The following TUBB variants were observed in gnomAD, a reference collection of about 807,000 sequenced individuals.
TUBB encodes tubulin beta class I.
Under a neutral mutation model 35.1 loss-of-function variants are expected in TUBB, and 2 were observed. The ratio of observed to expected loss-of-function variants is 0.06; its 90% CI spans 0.02 to 0.18. The LOEUF (loss-of-function observed/expected upper bound fraction) is 0.18. Among genes scored for constraint, TUBB ranks in the 10% least tolerant of loss-of-function variants. The pLI, the probability that TUBB is intolerant of heterozygous loss-of-function variation, is 1.00. For synonymous variants in TUBB, 205 were observed against 223.8 expected (o/e 0.92, Z 0.75); for missense variants, 50 against 599.4 (o/e 0.08, Z 9.57).
rs2394396 is a variant in TUBB at position 30,724,178 on chromosome 6, A to G, written c.1116A>G (p.Thr372=). The G allele has an allele frequency of 3.7e-5, 59 of 1,614,112 alleles. No homozygotes were observed. Among genetic ancestry groups the G allele is most frequent in the Middle Eastern group, 3.3e-4 (2 of 6,060 alleles). ...CAGTCACCTTCATTGGCAATAGCAC[A>G]GCCATCCAGGAGCTCTTCAAGCGCA... The part of the protein sequence containing the change: ...KMAVTFIGNS[T]AIQELFKRIS... Residue 372 remains threonine (T), a synonymous_variant, in exon 4 of 4, where the codon ACA becomes ACG. Coordinates refer to ENST00000327892, the MANE Select transcript of TUBB (RefSeq NM_178014.4). The surrounding 1 kb of genome is among the most constrained non-coding windows in gnomAD (Gnocchi z 4.4).
At chr6:30,722,426 A>G in intron 1 of TUBB, 111 bp from the exon 2 acceptor site, 1 of 754,188 alleles carries the variant, frequency 1.3e-6, no homozygotes, top group Non-Finnish European at 2.2e-6. Context: ...CTGGTGACAG[A>G]GCGAGACTCC....
Position 30,725,215 on chromosome 6 carries a change from G to A in TUBB, c.*818G>A, listed in dbSNP as rs755486536. 1.2e-5 allele frequency: 2 copies of A among 161,628 alleles called. No individual in the cohort carries two copies. The highest frequency in any genetic ancestry group is 2.7e-5 in the Non-Finnish European group (2 of 75,378). 10.0% of individuals were successfully genotyped at this position (161,628 alleles called of 1,614,324 possible). On this transcript the variant is annotated 3_prime_UTR_variant, in exon 4 of 4. Coordinates refer to ENST00000327892, the MANE Select transcript of TUBB (RefSeq NM_178014.4). ...GGTGTATACTGCCACATCAGTGTTT[G>A]AGTCAGTCCCCAGAGGAGAGGGGAA...
Position 30,724,460 on chromosome 6 carries a change from T to A in TUBB, c.*63T>A. The A allele has an allele frequency of 6.9e-7, 1 of 1,438,874 alleles. No homozygotes were observed. The highest frequency in any genetic ancestry group is 9.4e-7 in the Non-Finnish European group (1 of 1,068,418). 89.1% of individuals were successfully genotyped at this position (1,438,874 alleles called of 1,614,324 possible). On this transcript the variant is annotated 3_prime_UTR_variant, in exon 4 of 4. Coordinates refer to ENST00000327892, the MANE Select transcript of TUBB (RefSeq NM_178014.4). The surrounding 1 kb of genome is among the most constrained non-coding windows in gnomAD (Gnocchi z 4.4). The stretch of plus-strand genomic sequence containing the variant: ...TAGCCGTCTTACTCAACTGCCCCTT[T>A]CCTCTCCCTCAGAATTTGTGTTTGC...
intron 1 of TUBB, among the ~76,000 whole-genome samples, chr6:30,721,338 T>A (rs1424432693): frequency 6.6e-6 from 1 of 151,662 alleles, no homozygotes; most frequent in Admixed American, 6.6e-5. Flanking sequence ...GGGGGATTTT[T>A]TTTTTTTGCG....
intron 1 of TUBB, 76 bp from the exon 2 acceptor site, chr6:30,722,461 A>T: frequency 9.6e-7 from 1 of 1,039,642 alleles, no homozygotes; most frequent in East Asian, 2.4e-5. Context: ...TAAGAAAAAG[A>T]TGAAATAAAA....
In TUBB at chr6:30,720,406, C is replaced by A; in HGVS notation, c.-101C>A. 8.8e-7 allele frequency: 1 copy of A among 1,137,240 alleles called. No individual in the cohort carries two copies. Among genetic ancestry groups the A allele is most frequent in the Non-Finnish European group, 1.3e-6 (1 of 754,794 alleles). The allele number at this position is 1,137,240 out of a possible 1,614,324, so 70.4% of individuals were successfully genotyped here. ...CACCTCGCTGCTCCAGCCTCTGGGGCGCATTCCAACCTTCCAGCCTGCGAC... is the reference window on the plus strand; with the variant it reads ...CACCTCGCTGCTCCAGCCTCTGGGGAGCATTCCAACCTTCCAGCCTGCGAC... On this transcript the variant is annotated 5_prime_UTR_variant, in exon 1 of 4. Coordinates refer to ENST00000327892, the MANE Select transcript of TUBB (RefSeq NM_178014.4).
At chr6:30,721,468 T>C (rs1776239207) in intron 1 of TUBB, 1 of 846,752 alleles carries the variant, frequency 1.2e-6, no homozygotes, top group Non-Finnish European at 1.4e-6. Flanking sequence ...CAATGCGGCG[T>C]TGCCCGCCGG....
At chr6:30,722,314 G>T in intron 1 of TUBB, 1 of 518,988 alleles carries the variant, frequency 1.9e-6, no homozygotes, top group Non-Finnish European at 3.5e-6. Context: ...GTGTTGGTGC[G>T]CGCCTATAGT....
intron 1 of TUBB, chr6:30,721,943 C>A (rs1776301561): frequency 4.1e-6 from 4 of 968,132 alleles, no homozygotes; most frequent in Non-Finnish European, 4.9e-6. Flanking sequence ...CGAGACCATC[C>A]TGGGCAACAA....
At position 30,721,877 on chromosome 6, in the gene TUBB, A is replaced by G; in HGVS notation, c.58-660A>G. 3 of 985,604 alleles carry G rather than the reference A, an allele frequency of 3.0e-6. No homozygotes were observed. In the African/African-American group the frequency reaches 5.2e-5, roughly 17 times the overall value. The allele number at this position is 985,604 out of a possible 1,614,324, so 61.1% of individuals were successfully genotyped here. A position where few individuals can be genotyped will look rare whatever the true frequency, so the allele number is the denominator to read the frequency against. ...AACGGCCTGAGCGCTTGTGGAATTA[A>G]AATGGGAGATGTGGGGCCGAGGTGG... is the stretch of plus-strand genomic sequence containing the variant. On this transcript the variant is annotated intron_variant, in intron 1 of 3. Coordinates refer to ENST00000327892, the MANE Select transcript of TUBB (RefSeq NM_178014.4).
chr6:30,722,775 C>A (rs908590487), intron 2 of TUBB, 130 bp downstream of exon 2: 2 of 1,119,746 alleles, frequency 1.8e-6, no homozygotes, highest in African/African-American at 3.1e-5. Context: ...CGTGAACCAC[C>A]GTCGGGGCCA....
In TUBB at chr6:30,724,689, A is replaced by ATT; in HGVS notation, c.*292_*293insTT. 1 of 419,776 alleles carries ATT rather than the reference A, an allele frequency of 2.4e-6. No individual in the cohort carries two copies. Among genetic ancestry groups the ATT allele is most frequent in the Non-Finnish European group, 4.2e-6 (1 of 237,848 alleles). 26.0% of individuals were successfully genotyped at this position (419,776 alleles called of 1,614,324 possible). A position where few individuals can be genotyped will look rare whatever the true frequency, so the allele number is the denominator to read the frequency against. On this transcript the variant is annotated 3_prime_UTR_variant, in exon 4 of 4. Transcript: ENST00000327892. The surrounding 1 kb of genome is among the most constrained non-coding windows in gnomAD (Gnocchi z 4.4). Reference sequence around the variant, plus strand: ...TGTCCAGTTAATACTTCCTCTTAAAAATCTCCAAGAAGCTGGGTCTCCAGA... The same window carrying ATT: ...TGTCCAGTTAATACTTCCTCTTAAAATTATCTCCAAGAAGCTGGGTCTCCAGA...
chr6:30,720,434 G>A lies in TUBB; in HGVS notation c.-73G>A, dbSNP rs1776137770. The A allele has an allele frequency of 3.3e-6, 5 of 1,504,406 alleles. No homozygotes were observed. The highest frequency in any genetic ancestry group is 4.6e-6 in the Non-Finnish European group (5 of 1,081,800). The allele number at this position is 1,504,406 out of a possible 1,614,324, so 93.2% of individuals were successfully genotyped here. A position where few individuals can be genotyped will look rare whatever the true frequency, so the allele number is the denominator to read the frequency against. On this transcript the variant is annotated 5_prime_UTR_variant, in exon 1 of 4. Transcript: ENST00000327892. ...ATTCCAACCTTCCAGCCTGCGACCT[G>A]CGGAGAAAAAAAATTACTTATTTTC... is the stretch of plus-strand genomic sequence containing the variant.
intron 1 of TUBB, 100 bp from the exon 2 acceptor site, chr6:30,722,437 G>A (rs899920630): frequency 2.4e-6 from 2 of 847,262 alleles, no homozygotes; most frequent in South Asian, 1.6e-5. Context: ...GCGAGACTCC[G>A]TCTCAAAAAA....
At chr6:30,721,027 T>C (rs1317482662) in intron 1 of TUBB, among the ~76,000 whole-genome samples, 1 of 151,984 alleles carries the variant, frequency 6.6e-6, no homozygotes, top group Non-Finnish European at 1.5e-5. Context: ...TGGGGGGCGA[T>C]GCGCCAGGGT....
In TUBB at chr6:30,724,349, C is replaced by T. The variant is rs146810731; in HGVS notation, c.1287C>T (p.Thr429=). 117 of 1,612,560 alleles carry T rather than the reference C, an allele frequency of 7.3e-5. 1 individual carries two copies. In the Admixed American group the frequency reaches 7.8e-4, roughly 11 times the overall value. Residue 429 remains threonine (T), a synonymous_variant, in exon 4 of 4, where the codon ACC becomes ACT. Coordinates refer to ENST00000327892, the MANE Select transcript of TUBB (RefSeq NM_178014.4). This position sits in a 1 kb window ranked among gnomAD's most constrained non-coding sequence, Gnocchi z 4.4. Reference sequence around the variant, plus strand: ...AGTATCAGCAGTACCAGGATGCCACCGCAGAAGAGGAGGAGGATTTCGGTG... The same window carrying T: ...AGTATCAGCAGTACCAGGATGCCACTGCAGAAGAGGAGGAGGATTTCGGTG... ...VSEYQQYQDA[T]AEEEEDFGEE... is the part of the protein sequence containing the mutation.
rs1438822933 is a variant in TUBB, at chr6:30,720,381, C to A, written c.-126C>A. 2 of 893,588 alleles carry A rather than the reference C, an allele frequency of 2.2e-6. No homozygotes were observed. Among genetic ancestry groups the A allele is most frequent in the East Asian group, 2.6e-5 (1 of 38,320 alleles). 55.4% of individuals were successfully genotyped at this position (893,588 alleles called of 1,614,324 possible). A position where few individuals can be genotyped will look rare whatever the true frequency, so the allele number is the denominator to read the frequency against. ...CAGAACCTTCCTGCCGTCGCGTTTG[C>A]ACCTCGCTGCTCCAGCCTCTGGGGC... On this transcript the variant is annotated 5_prime_UTR_variant, in exon 1 of 4. Coordinates refer to ENST00000327892, the MANE Select transcript of TUBB (RefSeq NM_178014.4).
intron 3 of TUBB, 149 bp from the exon 4 acceptor site, chr6:30,723,190 TG>T: frequency 1.1e-6 from 1 of 894,000 alleles, no homozygotes; most frequent in East Asian, 2.6e-5. Flanking sequence ...CTACTATTGC[TG>T]GTAAATTATG....
In TUBB at chr6:30,720,365, C is replaced by T. The variant is rs575332984; in HGVS notation, c.-142C>T. 1.3e-6 allele frequency: 1 copy of T among 789,104 alleles called. No individual in the cohort carries two copies. The highest frequency in any genetic ancestry group is 2.2e-6 in the Non-Finnish European group (1 of 453,472). 48.9% of individuals were successfully genotyped at this position (789,104 alleles called of 1,614,324 possible). A position where few individuals can be genotyped will look rare whatever the true frequency, so the allele number is the denominator to read the frequency against. On this transcript the variant is annotated 5_prime_UTR_variant, in exon 1 of 4. Transcript: ENST00000327892. ...TCTCCTTTCTCCCTCTCAGAACCTT[C>T]CTGCCGTCGCGTTTGCACCTCGCTG...
Sources: gnomAD v4.1 joint callset for allele counts (sites outside exome capture counted in the v4.1 genomes callset) on GRCh38, gnomAD v4.1.1 for gene constraint, Gnocchi (gnomAD v3.1) non-coding constraint, MANE v1.5 for transcripts, NCBI Gene and HGNC (gene_info 2026-07-23, HGNC 2026-07-21) for gene names.